The following GAP43 variants were observed in gnomAD, a reference collection of about 807,000 sequenced individuals.
GAP43 encodes growth associated protein 43, also known as neuromodulin.
Under a neutral mutation model 18.6 loss-of-function variants are expected in GAP43, and 6 were observed. That is an observed-to-expected ratio of 0.32 (90% CI 0.18 to 0.64). The LOEUF is 0.64. Among genes scored for constraint, GAP43 ranks in the 30% least tolerant of loss-of-function variants. GAP43 has a pLI of 0.78. For missense variants in GAP43, 292 were observed against 295.5 expected, an observed-to-expected ratio of 0.99 and a Z score of 0.09; for synonymous variants, 115 against 111.4, an observed-to-expected ratio of 1.03 and a Z score of -0.20.
chr3:115,658,824 C>G (rs1559793898), intron 1 of GAP43: 1 of 152,370 alleles, frequency 6.6e-6, no homozygotes, highest in Non-Finnish European at 1.5e-5. Context: ...CCCAGGGCCC[C>G]AGGTCTCTCC....
At chr3:115,714,971 TG>T (rs1239306717) in intron 2 of GAP43, among the ~76,000 whole-genome samples, 1 of 152,096 alleles carries the variant, frequency 6.6e-6, no homozygotes, top group Non-Finnish European at 1.5e-5. Context: ...AGACAAATCC[TG>T]GTAAGGGCCA....
chr3:115,686,380 A>C (rs941523644), intron 2 of GAP43, among the ~76,000 whole-genome samples: 1 of 152,212 alleles, frequency 6.6e-6, no homozygotes, highest in African/African-American at 2.4e-5. Flanking sequence ...CACTTGCTAA[A>C]GGTTAAGGAA....
At chr3:115,680,777 T>A (rs1212482432) in intron 2 of GAP43, among the ~76,000 whole-genome samples, 1 of 152,216 alleles carries the variant, frequency 6.6e-6, no homozygotes, top group Non-Finnish European at 1.5e-5. Context: ...TCTAGAATGA[T>A]AATTGTGTAT....
intron 2 of GAP43, among the ~76,000 whole-genome samples, chr3:115,706,903 G>A (rs185772062): frequency 2.0e-5 from 3 of 152,256 alleles, no homozygotes; most frequent in South Asian, 2.1e-4. Context: ...ATTCATGTGA[G>A]CAAAGAAGTG....
chr3:115,649,773 C>G (rs578162672), intron 1 of GAP43, among the ~76,000 whole-genome samples: 70 of 137,798 alleles, frequency 5.1e-4, no homozygotes, highest in African/African-American at 1.8e-3. Context: ...GCCAGGAGTT[C>G]AAGACCAGTC....
chr3:115,716,266 A>G (rs1289973005), intron 2 of GAP43, among the ~76,000 whole-genome samples: 1 of 152,174 alleles, frequency 6.6e-6, no homozygotes, highest in Admixed American at 6.5e-5. Context: ...AGCAATATCA[A>G]AATGTTCCCT....
chr3:115,649,290 G>A (rs192659074), intron 1 of GAP43, among the ~76,000 whole-genome samples: 1 of 152,146 alleles, frequency 6.6e-6, no homozygotes, highest in African/African-American at 2.4e-5. Context: ...GACATTTGCT[G>A]AGACCTCTTG....
At chr3:115,690,987 C>T (rs1469515674) in intron 2 of GAP43, among the ~76,000 whole-genome samples, 1 of 151,942 alleles carries the variant, frequency 6.6e-6, no homozygotes, top group African/African-American at 2.4e-5. Flanking sequence ...AATCTCCTGA[C>T]CTCATGATCC....
chr3:115,715,758 G>T (rs1709495008), intron 2 of GAP43, among the ~76,000 whole-genome samples: 1 of 152,240 alleles, frequency 6.6e-6, no homozygotes, highest in Non-Finnish European at 1.5e-5. Context: ...TGCTTTTAAT[G>T]GTACAATTTT....
chr3:115,686,558 G>A (rs1709035945), intron 2 of GAP43, among the ~76,000 whole-genome samples: 1 of 151,982 alleles, frequency 6.6e-6, no homozygotes, highest in South Asian at 2.1e-4. Context: ...TTATATTTAT[G>A]AGGTTATAAT....
intron 2 of GAP43, among the ~76,000 whole-genome samples, chr3:115,688,870 C>T (rs1490193532): frequency 6.6e-6 from 1 of 152,202 alleles, no homozygotes; most frequent in Non-Finnish European, 1.5e-5. Context: ...CAATGCTTGC[C>T]TACTTTTTGC....
chr3:115,679,368 G>A (rs1410840709), intron 2 of GAP43, among the ~76,000 whole-genome samples: 3 of 152,054 alleles, frequency 2.0e-5, no homozygotes, highest in African/African-American at 4.8e-5. Flanking sequence ...TTTGTTATGG[G>A]GGGATGTCAT....
intron 1 of GAP43, among the ~76,000 whole-genome samples, chr3:115,651,814 T>A (rs1708521842): frequency 6.6e-6 from 1 of 152,132 alleles, no homozygotes; most frequent in African/African-American, 2.4e-5. Context: ...CAGCCTTCAC[T>A]TAACATTTTC....
rs1360289560 is a variant in GAP43 at position 115,643,441 on chromosome 3, A to AG, written c.30+19724dup. 3.9e-5 allele frequency among the ~76,000 whole-genome samples: 6 copies of AG among 152,148 alleles called. 1 individual carries two copies. Among genetic ancestry groups the AG allele is most frequent in the African/African-American group, 1.4e-4 (6 of 41,542 alleles). ...CTCTGATATTATCCTAATCCATTTC[A>AG]GGTTCTATTGCTTGCACTGAAAAAT... On this transcript the variant is annotated intron_variant, in intron 1 of 2. Coordinates refer to ENST00000305124, the MANE Select transcript of GAP43 (RefSeq NM_002045.4).
Position 115,721,131 on chromosome 3 carries a change from A to C in GAP43, c.*249A>C, listed in dbSNP as rs1048296665. ...TTTGTTTCTTGGTGTTGTTATGGCA[A>C]GTTTTTGGTAATGATGATTCAATCA... On this transcript the variant is annotated 3_prime_UTR_variant, in exon 3 of 3. Coordinates refer to ENST00000305124, the MANE Select transcript of GAP43 (RefSeq NM_002045.4). 2.0e-5 allele frequency: 5 copies of C among 248,806 alleles called. No homozygotes were observed. The highest frequency in any genetic ancestry group is 3.1e-5 in the Non-Finnish European group (4 of 127,730). The allele number at this position is 248,806 out of a possible 1,614,324, so 15.4% of individuals were successfully genotyped here. A position where few individuals can be genotyped will look rare whatever the true frequency, so the allele number is the denominator to read the frequency against.
intron 1 of GAP43, among the ~76,000 whole-genome samples, chr3:115,635,393 T>G (rs1708314849): frequency 6.6e-6 from 1 of 152,122 alleles, no homozygotes. Flanking sequence ...GAGAACTGTA[T>G]AGAAAACCTA....
intron 1 of GAP43, among the ~76,000 whole-genome samples, chr3:115,652,222 T>C (rs1414867358): frequency 6.6e-6 from 1 of 152,112 alleles, no homozygotes; most frequent in Admixed American, 6.5e-5. Context: ...ATTCTGAAGA[T>C]ATTATCTTTT....
intron 1 of GAP43, among the ~76,000 whole-genome samples, chr3:115,637,400 A>G (rs548832744): frequency 5.9e-5 from 9 of 151,954 alleles, no homozygotes; most frequent in Non-Finnish European, 1.2e-4. Context: ...ATCTTGCATT[A>G]CCTCTCTGGG....
intron 2 of GAP43, among the ~76,000 whole-genome samples, chr3:115,699,910 A>G (rs1709276227): frequency 6.6e-6 from 1 of 152,170 alleles, no homozygotes; most frequent in South Asian, 2.1e-4. Context: ...TGGGCAATCA[A>G]TGTAATTTCT....
Sources: allele counts gnomAD v4.1 joint callset (sites outside exome capture counted in the v4.1 genomes callset), GRCh38; gene constraint gnomAD v4.1.1; transcripts MANE v1.5; gene names NCBI Gene and HGNC (gene_info 2026-07-23, HGNC 2026-07-21).